MIPOL1: variants seen among roughly 807,000 people sequenced by gnomAD.
The protein encoded by MIPOL1 is mirror-image polydactyly 1.
MIPOL1 carries 57 observed loss-of-function variants against 60.9 expected under a neutral mutation model. That is an observed-to-expected ratio of 0.94 (90% CI 0.76 to 1.17). The LOEUF (loss-of-function observed/expected upper bound fraction) is 1.17. Among genes scored for constraint, MIPOL1 ranks in the 50% most tolerant of loss-of-function variants. The pLI is 0.00. For synonymous variants in MIPOL1, 179 were observed against 168.8 expected (o/e 1.06, Z -0.47); for missense variants, 551 against 511.6 (o/e 1.08, Z -0.74).
At chr14:37,399,084 G>A (rs1474355062) in intron 10 of MIPOL1, among the ~76,000 whole-genome samples, 2 of 152,022 alleles carry the variant, frequency 1.3e-5, no homozygotes, top group Non-Finnish European at 2.9e-5. Context: ...CACTATAAGG[G>A]GCCAACGCAT....
intron 11 of MIPOL1, among the ~76,000 whole-genome samples, chr14:37,458,523 C>T (rs1228830514): frequency 1.3e-5 from 2 of 152,038 alleles, no homozygotes; most frequent in African/African-American, 4.8e-5. Flanking sequence ...GAGGAACTAT[C>T]AAAACTATGT....
At chr14:37,379,073 T>G (rs2092854832) in intron 10 of MIPOL1, among the ~76,000 whole-genome samples, 1 of 152,006 alleles carries the variant, frequency 6.6e-6, no homozygotes, top group Admixed American at 6.6e-5. Context: ...ACTACAAAGC[T>G]ACAGTAATCA....
At chr14:37,359,072 A>T (rs1303852588) in intron 9 of MIPOL1, among the ~76,000 whole-genome samples, 24 of 152,204 alleles carry the variant, frequency 1.6e-4, no homozygotes. Flanking sequence ...TTTTCCCAGC[A>T]CGATTTATTA....
At chr14:37,414,990 C>T (rs972733241) in intron 10 of MIPOL1, among the ~76,000 whole-genome samples, 3 of 152,148 alleles carry the variant, frequency 2.0e-5, no homozygotes, top group African/African-American at 7.2e-5. Context: ...ACTTGTGCCA[C>T]CCCTGCCCCC....
At chr14:37,357,247 TTTTC>T (rs1349390740) in intron 9 of MIPOL1, among the ~76,000 whole-genome samples, 1 of 152,204 alleles carries the variant, frequency 6.6e-6, no homozygotes, top group African/African-American at 2.4e-5. Context: ...TTTGCAAGTA[TTTTC>T]TCCCATATTG....
At chr14:37,223,732 C>T (rs936909834) in intron 1 of MIPOL1, among the ~76,000 whole-genome samples, 2 of 152,116 alleles carry the variant, frequency 1.3e-5, no homozygotes, top group Non-Finnish European at 2.9e-5. Flanking sequence ...AACTCCTGAC[C>T]TCAGGAGATC....
chr14:37,328,338 G>A (rs1183009556), intron 9 of MIPOL1, among the ~76,000 whole-genome samples: 1 of 152,028 alleles, frequency 6.6e-6, no homozygotes, highest in East Asian at 1.9e-4. Flanking sequence ...ATTAAAATAC[G>A]GGAAAGTAAC....
chr14:37,204,629 C>G (rs1965801952), intron 1 of MIPOL1, among the ~76,000 whole-genome samples: 1 of 152,096 alleles, frequency 6.6e-6, no homozygotes, highest in African/African-American at 2.4e-5. Flanking sequence ...GATTGTGAGG[C>G]CTCCCAAGCC....
intron 9 of MIPOL1, among the ~76,000 whole-genome samples, chr14:37,361,693 C>T (rs1188285451): frequency 7.4e-6 from 1 of 135,496 alleles, no homozygotes; most frequent in Admixed American, 8.6e-5. Flanking sequence ...GCAAGCTCCG[C>T]CTTCCCCGGG....
At chr14:37,451,153 A>G (rs148467656) in intron 11 of MIPOL1, among the ~76,000 whole-genome samples, 192 of 152,304 alleles carry the variant, frequency 1.3e-3, no homozygotes, top group African/African-American at 4.3e-3. Context: ...GATATTTTCT[A>G]TGGAGTTATT....
chr14:37,422,926 C>A lies in MIPOL1; in HGVS notation c.1008C>A (p.Ile336=). The A allele has an allele frequency of 6.2e-7, 1 of 1,606,356 alleles. No individual in the cohort carries two copies. The highest frequency in any genetic ancestry group is 8.5e-7 in the Non-Finnish European group (1 of 1,175,256). Reference sequence around the variant, plus strand: ...AGTACAAAAAACTGGAAGAGGAAATCCAGACCCTTCGAGTTTACTACAGGT... The same window carrying A: ...AGTACAAAAAACTGGAAGAGGAAATACAGACCCTTCGAGTTTACTACAGGT... The part of the protein sequence containing the change: ...VQQYKKLEEE[I]QTLRVYYSLH... Residue 336 remains isoleucine, a synonymous_variant, in exon 11 of 13, where the codon ATC becomes ATA. Coordinates refer to ENST00000684589, the MANE Select transcript of MIPOL1 (RefSeq NM_001388067.1).
At chr14:37,387,117 G>C (rs2093093672) in intron 10 of MIPOL1, among the ~76,000 whole-genome samples, 1 of 151,852 alleles carries the variant, frequency 6.6e-6, no homozygotes, top group African/African-American at 2.4e-5. Context: ...CTCAGCTGCA[G>C]ACAGTACCTT....
intron 9 of MIPOL1, among the ~76,000 whole-genome samples, chr14:37,355,109 C>CA (rs1164547584): frequency 2.7e-5 from 4 of 148,748 alleles, no homozygotes; most frequent in African/African-American, 9.9e-5. Flanking sequence ...CTGGTGGTGA[C>CA]AAAATCTCTC....
At chr14:37,320,802 A>C (rs1246022437) in intron 9 of MIPOL1, among the ~76,000 whole-genome samples, 1 of 152,046 alleles carries the variant, frequency 6.6e-6, no homozygotes, top group Non-Finnish European at 1.5e-5. Flanking sequence ...TATTTTCTTC[A>C]TATAGATGCC....
At chr14:37,290,044 T>A (rs1236994577) in intron 7 of MIPOL1, among the ~76,000 whole-genome samples, 8 of 152,252 alleles carry the variant, frequency 5.3e-5, no homozygotes, top group Admixed American at 5.2e-4. Flanking sequence ...ATTCTCTGAT[T>A]TAACATGCTT....
chr14:37,417,721 T>G (rs971094672), intron 10 of MIPOL1, among the ~76,000 whole-genome samples: 3 of 152,192 alleles, frequency 2.0e-5, no homozygotes, highest in African/African-American at 7.2e-5. Flanking sequence ...GATACCCAAT[T>G]ATATATTTTA....
intron 12 of MIPOL1, among the ~76,000 whole-genome samples, chr14:37,541,305 A>G (rs1342239784): frequency 6.6e-6 from 1 of 152,076 alleles, no homozygotes; most frequent in African/African-American, 2.4e-5. Flanking sequence ...CCCTTTGTTG[A>G]CTTGCTTTCT....
chr14:37,361,034 G>T (rs1215523976), intron 9 of MIPOL1, among the ~76,000 whole-genome samples: 1 of 152,108 alleles, frequency 6.6e-6, no homozygotes, highest in South Asian at 2.1e-4. Context: ...GTTCTCACTG[G>T]TTTCAAAGAA....
At chr14:37,522,210 T>C (rs948360235) in intron 12 of MIPOL1, among the ~76,000 whole-genome samples, 6 of 152,096 alleles carry the variant, frequency 3.9e-5, no homozygotes, top group Non-Finnish European at 5.9e-5. Context: ...GATACAGTAT[T>C]GAAAGGACTT....
Sources: gnomAD v4.1 joint callset for allele counts (sites outside exome capture counted in the v4.1 genomes callset) on GRCh38, gnomAD v4.1.1 for gene constraint, MANE v1.5 for transcripts, NCBI Gene and HGNC (gene_info 2026-07-23, HGNC 2026-07-21) for gene names.